Variants in ASAP1 observed in about 807,000 individuals in gnomAD.
ASAP1 encodes the protein arf-GAP with SH3 domain, ANK repeat and PH domain-containing protein 1.
A neutral mutation model predicts 145.2 loss-of-function variants in ASAP1; 43 were observed. The ratio of observed to expected loss-of-function variants is 0.30; its 90% CI spans 0.23 to 0.38. The LOEUF (loss-of-function observed/expected upper bound fraction) is 0.38, where lower values mean the gene tolerates loss of function less well. ASAP1 is among the 10% of genes least tolerant of loss of function. ASAP1 has a pLI of 1.00. For missense variants in ASAP1, 1,018 were observed against 1,355.3 expected, an observed-to-expected ratio of 0.75 and a Z score of 3.91; for synonymous variants, 546 against 515.5, an observed-to-expected ratio of 1.06 and a Z score of -0.80.
At chr8:130,227,934 G>A (rs1052225375) in intron 4 of ASAP1, among the ~76,000 whole-genome samples, 2 of 152,136 alleles carry the variant, frequency 1.3e-5, no homozygotes, top group Admixed American at 6.5e-5. Context: ...CACAGTTGGC[G>A]AGTCTGAGGG....
intron 1 of ASAP1, among the ~76,000 whole-genome samples, chr8:130,411,701 A>T (rs1263683849): frequency 6.6e-6 from 1 of 152,246 alleles, no homozygotes; most frequent in African/African-American, 2.4e-5. Flanking sequence ...GCAGGTGTAC[A>T]ATGAACAACT....
intron 3 of ASAP1, among the ~76,000 whole-genome samples, chr8:130,259,653 C>T (rs1423721565): frequency 1.3e-5 from 2 of 152,226 alleles, no homozygotes; most frequent in South Asian, 2.1e-4. Flanking sequence ...TCTTGTCATG[C>T]TAGCTGACTA....
chr8:130,109,764 A>G (rs1266219119), intron 24 of ASAP1, among the ~76,000 whole-genome samples: 1 of 152,194 alleles, frequency 6.6e-6, no homozygotes, highest in Non-Finnish European at 1.5e-5. Flanking sequence ...TCAGTTTTCC[A>G]AATGTAAGCG....
intron 11 of ASAP1, among the ~76,000 whole-genome samples, chr8:130,166,766 T>A (rs571699051): frequency 5.3e-5 from 8 of 152,304 alleles, no homozygotes; most frequent in African/African-American, 7.2e-5. Context: ...TGTACTGCAT[T>A]CATCCAGCCT....
chr8:130,256,079 G>A (rs1047341640), intron 3 of ASAP1, among the ~76,000 whole-genome samples: 1 of 152,086 alleles, frequency 6.6e-6, no homozygotes, highest in Admixed American at 6.6e-5. Context: ...GGGACCTAAC[G>A]ATTCAATATT....
chr8:130,228,555 G>C (rs746344398), intron 4 of ASAP1, among the ~76,000 whole-genome samples: 75 of 151,852 alleles, frequency 4.9e-4, no homozygotes, highest in Admixed American at 9.2e-4. Flanking sequence ...ACAAAAATTA[G>C]CCAGGCATGG....
chr8:130,318,827 T>C (rs1158570), intron 3 of ASAP1, among the ~76,000 whole-genome samples: 81,016 of 151,846 alleles, frequency 0.53, 21,793 homozygotes, highest in South Asian at 0.69. Context: ...AGTGGAAATG[T>C]CAAATGGAGT....
In ASAP1 at chr8:130,053,519, G is replaced by GCTCT. The variant is rs2097397328; in HGVS notation, c.*1211_*1212insAGAG. The GCTCT allele has an allele frequency of 6.6e-6, 1 of 152,228 alleles. No individual in the cohort carries two copies. The highest frequency in any genetic ancestry group is 1.5e-5 in the Non-Finnish European group (1 of 68,034). The allele number at this position is 152,228 out of a possible 1,614,324, so 9.4% of individuals were successfully genotyped here. On this transcript the variant is annotated 3_prime_UTR_variant, in exon 30 of 30. Transcript: ENST00000518721. Reference sequence around the variant, plus strand: ...AAACTTGGTTATGAATTGACTTGAAGGTGGACAGAGCTTAAGACTGGAAAA... The same window carrying GCTCT: ...AAACTTGGTTATGAATTGACTTGAAGCTCTGTGGACAGAGCTTAAGACTGGAAAA...
chr8:130,382,303 A>AAG (rs1827815723), intron 2 of ASAP1, among the ~76,000 whole-genome samples: 1 of 151,714 alleles, frequency 6.6e-6, no homozygotes, highest in East Asian at 1.9e-4. Flanking sequence ...AAAAAAAAAA[A>AAG]AAAAAAGAAA....
At chr8:130,100,436 T>G (rs1353271914) in intron 24 of ASAP1, among the ~76,000 whole-genome samples, 2 of 152,052 alleles carry the variant, frequency 1.3e-5, no homozygotes, top group South Asian at 2.1e-4. Flanking sequence ...TTCGGGTGAT[T>G]CTCCTGCCTC....
At chr8:130,088,967 G>C (rs1312744370) in intron 25 of ASAP1, among the ~76,000 whole-genome samples, 2 of 152,212 alleles carry the variant, frequency 1.3e-5, no homozygotes, top group Non-Finnish European at 2.9e-5. Flanking sequence ...AGTAGAGATG[G>C]AATGAGAATC....
chr8:130,138,605 G>C (rs1446280709), intron 13 of ASAP1, among the ~76,000 whole-genome samples: 90 of 152,180 alleles, frequency 5.9e-4, no homozygotes, highest in Non-Finnish European at 4.4e-5. Flanking sequence ...GAAAGGCTGA[G>C]GTGGGTGGAT....
chr8:130,353,155 G>A, intron 3 of ASAP1, among the ~76,000 whole-genome samples: 1 of 152,088 alleles, frequency 6.6e-6, no homozygotes, highest in East Asian at 1.9e-4. Flanking sequence ...AAGAGTTTTA[G>A]CCTTATTTCT....
rs1586518416 is a variant in ASAP1 at position 130,175,476 on chromosome 8, T to A, written c.746+3788A>T. Reference sequence around the variant, plus strand: ...CCTGGGCTCAAGTGATCCTCCTGCATCGGCCTCCTAAAGTGCTAGGATTAT... The same window carrying A: ...CCTGGGCTCAAGTGATCCTCCTGCAACGGCCTCCTAAAGTGCTAGGATTAT... On this transcript the variant is annotated intron_variant, in intron 9 of 29. Transcript: ENST00000518721. 2.6e-5 allele frequency among the ~76,000 whole-genome samples: 4 copies of A among 152,300 alleles called. No individual in the cohort carries two copies. In the South Asian group the frequency reaches 8.3e-4, roughly 32 times the overall value.
At chr8:130,174,007 G>A (rs1448010586) in intron 9 of ASAP1, among the ~76,000 whole-genome samples, 1 of 138,316 alleles carries the variant, frequency 7.2e-6, no homozygotes, top group African/African-American at 2.7e-5. Flanking sequence ...CTTGATGTTT[G>A]AACCCAGTAG....
intron 3 of ASAP1, among the ~76,000 whole-genome samples, chr8:130,340,173 AAT>A (rs1444894971): frequency 6.6e-6 from 1 of 152,218 alleles, no homozygotes; most frequent in Non-Finnish European, 1.5e-5. Context: ...TGGCTGGAGA[AAT>A]AACCCCAAAT....
chr8:130,209,841 C>T (rs1032359189), intron 5 of ASAP1, among the ~76,000 whole-genome samples: 9 of 151,992 alleles, frequency 5.9e-5, no homozygotes, highest in Admixed American at 1.3e-4. Flanking sequence ...ATTCGGACTC[C>T]AGTATTTGCC....
chr8:130,145,762 G>A (rs1213870805), intron 13 of ASAP1, among the ~76,000 whole-genome samples: 1 of 151,868 alleles, frequency 6.6e-6, no homozygotes, highest in Non-Finnish European at 1.5e-5. Context: ...GAGAGATGTG[G>A]AAAATAAGGC....
rs1234109067 is a variant in ASAP1 at position 130,098,967 on chromosome 8, T to TATACTCTCTACTAATATAAGCTCA, written c.2402-6848_2402-6825dup. On this transcript the variant is annotated intron_variant, in intron 24 of 29. Transcript: ENST00000518721. Reference sequence around the variant, plus strand: ...TTCCCAGAACTCTAATAACCTCTCTTATACTCTCTACTAATATAAGCTCAA... The same window carrying TATACTCTCTACTAATATAAGCTCA: ...TTCCCAGAACTCTAATAACCTCTCTTATACTCTCTACTAATATAAGCTCAATACTCTCTACTAATATAAGCTCAA... 1.1e-3 allele frequency among the ~76,000 whole-genome samples: 174 copies of TATACTCTCTACTAATATAAGCTCA among 151,350 alleles called. 2 individuals carry two copies. Among genetic ancestry groups the TATACTCTCTACTAATATAAGCTCA allele is most frequent in the South Asian group, 4.9e-3 (23 of 4,724 alleles).
Sources: gnomAD v4.1 joint callset for allele counts (sites outside exome capture counted in the v4.1 genomes callset) on GRCh38, gnomAD v4.1.1 for gene constraint, MANE v1.5 for transcripts, NCBI Gene and HGNC (gene_info 2026-07-23, HGNC 2026-07-21) for gene names.